GRIP1: variants seen among roughly 807,000 people sequenced by gnomAD.
GRIP1 encodes glutamate receptor-interacting protein 1.
In GRIP1, 45 loss-of-function variants were observed where a neutral mutation model predicts 129.9. That is an observed-to-expected ratio of 0.35 (90% CI 0.27 to 0.44). The LOEUF (loss-of-function observed/expected upper bound fraction) is 0.44. Among genes scored for constraint, GRIP1 ranks in the 20% least tolerant of loss-of-function variants. The pLI, the probability that GRIP1 is intolerant of heterozygous loss-of-function variation, is 1.00. For synonymous variants in GRIP1, 530 were observed against 520.8 expected, an observed-to-expected ratio of 1.02 and a Z score of -0.24; for missense variants, 1,196 against 1,396.8, an observed-to-expected ratio of 0.86 and a Z score of 2.29.
intron 1 of GRIP1, among the ~76,000 whole-genome samples, chr12:67,040,545 T>A (rs2043161322): frequency 6.6e-6 from 1 of 152,122 alleles, no homozygotes. Flanking sequence ...CCTTCATGGG[T>A]CACCTAATTT....
intron 1 of GRIP1, among the ~76,000 whole-genome samples, chr12:66,657,266 A>G (rs1195869016): frequency 7.1e-6 from 1 of 140,322 alleles, no homozygotes; most frequent in Non-Finnish European, 1.6e-5. Context: ...GTCAGCCTCT[A>G]CTGAAGGAGG....
At chr12:66,508,962 C>T (rs912455020) in intron 7 of GRIP1, among the ~76,000 whole-genome samples, 1 of 152,174 alleles carries the variant, frequency 6.6e-6, no homozygotes, top group African/African-American at 2.4e-5. Context: ...GTAACACCTG[C>T]CCAAGGATTG....
chr12:66,471,040 C>G (rs556839769), intron 7 of GRIP1, among the ~76,000 whole-genome samples: 1 of 152,174 alleles, frequency 6.6e-6, no homozygotes, highest in Non-Finnish European at 1.5e-5. Context: ...TGCCATGATT[C>G]CCTACTAGCC....
chr12:66,831,873 A>G lies in GRIP1; in HGVS notation c.59-234946T>C, dbSNP rs147909044. Among the ~76,000 whole-genome samples, 20 of 152,324 alleles carry G rather than the reference A, an allele frequency of 1.3e-4. No homozygotes were observed. The East Asian group carries it at 3.9e-3, about 29-fold the overall frequency. ...GACTGCAGTAAAAACTAATTGAGTT[A>G]CACATGTAAAGTGCTTGGCAAAGTC... On this transcript the variant is annotated intron_variant, in intron 1 of 1. Coordinates refer to the GRIP1 transcript ENST00000643019.
chr12:66,966,695 T>C (rs1304653900), intron 1 of GRIP1, among the ~76,000 whole-genome samples: 1 of 152,200 alleles, frequency 6.6e-6, no homozygotes, highest in Non-Finnish European at 1.5e-5. Flanking sequence ...TTAAAATTTG[T>C]CTGACGTTTT....
rs1047624626 is a variant in GRIP1 at position 66,508,502 on chromosome 12, C to T, written c.724+7117G>A. On this transcript the variant is annotated intron_variant, in intron 7 of 24. Transcript: ENST00000359742. Reference sequence around the variant, plus strand: ...TTACAGAGAGTGCTCCTTCCTCTCTCAAAAGGAAAAATGAGAGATTGAATA... The same window carrying T: ...TTACAGAGAGTGCTCCTTCCTCTCTTAAAAGGAAAAATGAGAGATTGAATA... Among the ~76,000 whole-genome samples, 3 of 151,934 alleles carry T rather than the reference C, an allele frequency of 2.0e-5. No homozygotes were observed. In the South Asian group the frequency reaches 6.2e-4, roughly 32 times the overall value.
chr12:66,620,344 C>CA (rs2065212927), intron 1 of GRIP1, among the ~76,000 whole-genome samples: 1 of 152,178 alleles, frequency 6.6e-6, no homozygotes, highest in African/African-American at 2.4e-5. Context: ...TATGAAGACA[C>CA]ATGGATGCAA....
intron 1 of GRIP1, among the ~76,000 whole-genome samples, chr12:66,747,177 T>C (rs2036975718): frequency 6.6e-6 from 1 of 151,884 alleles, no homozygotes; most frequent in Admixed American, 6.6e-5. Context: ...TTAAACACTC[T>C]CAAATAAAAC....
Position 66,456,345 on chromosome 12 carries a change from G to T in GRIP1, c.1043-3C>A. The T allele has an allele frequency of 7.8e-7, 1 of 1,283,748 alleles. No homozygotes were observed. The highest frequency in any genetic ancestry group is 1.0e-6 in the Non-Finnish European group (1 of 983,352). The allele number at this position is 1,283,748 out of a possible 1,614,324, so 79.5% of individuals were successfully genotyped here. On this transcript the variant is annotated splice_region_variant and splice_polypyrimidine_tract_variant and intron_variant, in intron 9 of 24. Transcript: ENST00000359742. ...CCTGTCGCTCCTCTGAATTTTCACT[G>T]CCCATATGAAGTGATGATGAAAAAT...
intron 1 of GRIP1, among the ~76,000 whole-genome samples, chr12:66,854,358 C>G (rs1414298067): frequency 6.8e-6 from 1 of 146,604 alleles, no homozygotes; most frequent in Non-Finnish European, 1.5e-5. Context: ...CTAAATTAAG[C>G]CAGCTCACAG....
At chr12:67,044,513 TA>T (rs1315997107) in intron 1 of GRIP1, among the ~76,000 whole-genome samples, 2 of 152,208 alleles carry the variant, frequency 1.3e-5, no homozygotes, top group African/African-American at 2.4e-5. Flanking sequence ...ACATTTCCCT[TA>T]AAAATCTTTG....
chr12:66,827,017 T>C (rs998556698), intron 1 of GRIP1, among the ~76,000 whole-genome samples: 2 of 152,192 alleles, frequency 1.3e-5, no homozygotes, highest in Non-Finnish European at 2.9e-5. Context: ...TCTTTCTTCC[T>C]TGAAGTCAAC....
At chr12:66,795,952 T>C (rs1046398766) in intron 1 of GRIP1, among the ~76,000 whole-genome samples, 6 of 152,192 alleles carry the variant, frequency 3.9e-5, no homozygotes, top group Admixed American at 1.3e-4. Flanking sequence ...TCTGATGACA[T>C]GGTAAGTGTA....
chr12:66,446,103 C>G (rs151281732), intron 11 of GRIP1, among the ~76,000 whole-genome samples: 3,017 of 150,818 alleles, frequency 0.02, 65 homozygotes, highest in Non-Finnish European at 0.034. Context: ...TGCCGCCCCC[C>G]ACCACCACCC....
intron 1 of GRIP1, among the ~76,000 whole-genome samples, chr12:67,026,809 C>T (rs754505898): frequency 3.2e-4 from 48 of 152,334 alleles, no homozygotes; most frequent in Non-Finnish European, 6.2e-4. Context: ...AATATAATCT[C>T]TTTAAGAACC....
chr12:66,723,283 C>CCTTCCTTCCTTCCTTCCTTT (rs2036136784), intron 1 of GRIP1, among the ~76,000 whole-genome samples: 1 of 29,634 alleles, frequency 3.4e-5, no homozygotes, highest in Non-Finnish European at 5.7e-5. Flanking sequence ...TTCCTTCCTT[C>CCTTCCTTCCTTCCTTCCTTT]CTTTCTTTCT....
chr12:66,667,614 C>G (rs563355068), intron 1 of GRIP1, among the ~76,000 whole-genome samples: 3 of 152,240 alleles, frequency 2.0e-5, no homozygotes, highest in African/African-American at 7.2e-5. Flanking sequence ...CAGACTTCAC[C>G]CAAGGCCTCG....
At chr12:66,640,614 G>T (rs531027885) in intron 1 of GRIP1, among the ~76,000 whole-genome samples, 1 of 152,208 alleles carries the variant, frequency 6.6e-6, no homozygotes, top group Non-Finnish European at 1.5e-5. Flanking sequence ...CAACAGTTAT[G>T]ATTTTTCATT....
chr12:66,730,701 C>CAAAAAAAAAAA (rs3051132), intron 1 of GRIP1, among the ~76,000 whole-genome samples: 8 of 71,152 alleles, frequency 1.1e-4, no homozygotes, highest in Non-Finnish European at 1.6e-4. Flanking sequence ...GGGTCATCTA[C>CAAAAAAAAAAA]AAAAAAAAAA....
Sources: gnomAD v4.1 joint callset for allele counts (sites outside exome capture counted in the v4.1 genomes callset) on GRCh38, gnomAD v4.1.1 for gene constraint, MANE v1.5 for transcripts, NCBI Gene and HGNC (gene_info 2026-07-23, HGNC 2026-07-21) for gene names.